C16orf95: variants seen among roughly 807,000 people sequenced by gnomAD.
C16orf95 encodes uncharacterized protein C16orf95.
Under a neutral mutation model 32.1 loss-of-function variants are expected in C16orf95, and 41 were observed. The observed-to-expected ratio is 1.28, with a 90% CI of 1.00 to 1.66. C16orf95 has a LOEUF of 1.66. C16orf95 is among the 40% of genes most tolerant of loss of function. The pLI, the probability that C16orf95 is intolerant of heterozygous loss-of-function variation, is 0.00. For synonymous variants in C16orf95, 147 were observed against 128.9 expected (o/e 1.14, Z -0.95); for missense variants, 399 against 325.9 (o/e 1.22, Z -1.73).
At chr16:87,303,157 T>G in intron 6 of C16orf95, 82 bp from the exon 7 acceptor site, 1 of 1,410,920 alleles carries the variant, frequency 7.1e-7, no homozygotes, top group South Asian at 1.2e-5. Flanking sequence ...TTGGGAAACC[T>G]CCATGAGCGG....
In C16orf95 at chr16:87,302,839, T is replaced by C. The variant is rs1391307938; in HGVS notation, c.*218A>G. 1 of 579,700 alleles carries C rather than the reference T, an allele frequency of 1.7e-6. No individual in the cohort carries two copies. 35.9% of individuals were successfully genotyped at this position (579,700 alleles called of 1,614,324 possible). On this transcript the variant is annotated 3_prime_UTR_variant, in exon 7 of 7. Transcript: ENST00000567970. ...TTTAGAGTTTCACAAATAACATTTA[T>C]TGACCACATTCATAACAGAAACTCA...
At chr16:87,316,676 C>T (rs368765967) in intron 1 of C16orf95, among the ~76,000 whole-genome samples, 1 of 152,022 alleles carries the variant, frequency 6.6e-6, no homozygotes, top group Non-Finnish European at 1.5e-5. Flanking sequence ...CATCTCAGTC[C>T]TTGTAGTTCA....
intron 6 of C16orf95, 106 bp from the exon 7 acceptor site, chr16:87,303,181 T>C: frequency 9.0e-7 from 1 of 1,108,356 alleles, no homozygotes; most frequent in South Asian, 1.3e-5. Flanking sequence ...GCAGAGGCGC[T>C]CCACAGTGCA....
intron 6 of C16orf95, 28 bp from the exon 7 acceptor site, chr16:87,303,103 G>C (rs1447889043): frequency 6.5e-7 from 1 of 1,536,056 alleles, no homozygotes; most frequent in Non-Finnish European, 8.7e-7. Flanking sequence ...ACAGTTACTA[G>C]GACCCGGCCC....
intron 5 of C16orf95, among the ~76,000 whole-genome samples, chr16:87,308,656 T>C (rs925323535): frequency 2.0e-5 from 3 of 152,240 alleles, no homozygotes; most frequent in Non-Finnish European, 4.4e-5. Context: ...CAGCTCTCGA[T>C]AGCCATTGCT....
At chr16:87,307,288 G>C (rs970042126) in intron 5 of C16orf95, among the ~76,000 whole-genome samples, 5 of 152,178 alleles carry the variant, frequency 3.3e-5, no homozygotes, top group African/African-American at 1.2e-4. Flanking sequence ...GAAAGTAATG[G>C]TGGGTGTGGA....
chr16:87,313,893 C>T (rs144165509), intron 3 of C16orf95, among the ~76,000 whole-genome samples: 14 of 152,098 alleles, frequency 9.2e-5, no homozygotes, highest in African/African-American at 3.4e-4. Flanking sequence ...GATGCCTCAT[C>T]GAGTAAGACA....
chr16:87,303,906 T>A (rs776743318), intron 6 of C16orf95, among the ~76,000 whole-genome samples: 2 of 152,066 alleles, frequency 1.3e-5, no homozygotes, highest in Non-Finnish European at 2.9e-5. Flanking sequence ...TTTCTTCCCC[T>A]CTCCTTCCTT....
chr16:87,310,446 G>A (rs2074168219), intron 4 of C16orf95, 113 bp from the exon 5 acceptor site: 3 of 1,037,632 alleles, frequency 2.9e-6, no homozygotes, highest in Non-Finnish European at 4.3e-6. Flanking sequence ...CAAGATAAAA[G>A]CCAAGGGCTC....
At chr16:87,311,888 C>T (rs565076768) in intron 3 of C16orf95, among the ~76,000 whole-genome samples, 15 of 152,316 alleles carry the variant, frequency 9.8e-5, no homozygotes, top group African/African-American at 3.4e-4. Flanking sequence ...AAATGACAGA[C>T]ATCGGGCAAC....
In C16orf95 at chr16:87,310,326, C is replaced by A; in HGVS notation, c.485G>T (p.Arg162Met). The A allele has an allele frequency of 6.5e-7, 1 of 1,536,092 alleles. No individual in the cohort carries two copies. The highest frequency in any genetic ancestry group is 2.4e-5 in the East Asian group (1 of 40,912). ...GATGCCTTTCAAACTCTGCTGCCTCCTGACTATCTAAAAGACAAGAATGGA... is the reference window on the plus strand; with the variant it reads ...GATGCCTTTCAAACTCTGCTGCCTCATGACTATCTAAAAGACAAGAATGGA... Reference protein sequence around the residue: ...QVLRSQQQIVRRQQSLKGIQA... With the variant: ...QVLRSQQQIVMRQQSLKGIQA... The change falls in exon 5 of 7, where the codon AGG (arginine) becomes ATG (methionine). Residue 162 changes from arginine (R) to methionine (M), a missense_variant. By Grantham distance (91) the Arg-to-Met change is moderately conservative. Coordinates refer to ENST00000567970, the MANE Select transcript of C16orf95 (RefSeq NM_001195124.3).
intron 5 of C16orf95, among the ~76,000 whole-genome samples, chr16:87,307,019 G>A (rs1180969020): frequency 6.6e-6 from 1 of 152,156 alleles, no homozygotes; most frequent in Admixed American, 6.5e-5. Flanking sequence ...GTGAGCAGTT[G>A]GTTGGTGATT....
intron 6 of C16orf95, among the ~76,000 whole-genome samples, chr16:87,304,315 C>T (rs889607): frequency 0.21 from 18,110 of 84,262 alleles, 1,166 homozygotes; most frequent in African/African-American, 0.25. Context: ...TGCCCATCCT[C>T]TAAGGCTGGG....
chr16:87,305,935 G>A lies in C16orf95; in HGVS notation c.515-30C>T, dbSNP rs1404270025. The A allele has an allele frequency of 7.2e-7, 1 of 1,388,024 alleles. No homozygotes were observed. Among genetic ancestry groups the A allele is most frequent in the Non-Finnish European group, 9.3e-7 (1 of 1,073,716 alleles). The allele number at this position is 1,388,024 out of a possible 1,614,324, so 86.0% of individuals were successfully genotyped here. A position where few individuals can be genotyped will look rare whatever the true frequency, so the allele number is the denominator to read the frequency against. On this transcript the variant is annotated intron_variant, in intron 5 of 6. Transcript: ENST00000567970. This position sits in a 1 kb window ranked among gnomAD's most constrained non-coding sequence, Gnocchi z 4.2. ...GCAAAGAAAAGGTGGGTTGAGGACA[G>A]GGCGTGTTCTCCGGGACTCTGTGAG...
chr16:87,305,671 G>A lies in C16orf95; in HGVS notation c.701+48C>T, dbSNP rs943784078. On this transcript the variant is annotated intron_variant, in intron 6 of 6. Transcript: ENST00000567970. This position sits in a 1 kb window ranked among gnomAD's most constrained non-coding sequence, Gnocchi z 4.2. The stretch of plus-strand genomic sequence containing the variant: ...GCCACCAAGCCTCCCTCAGGTGGAC[G>A]TCACCATGCCAGGGCCACCCACTGT... 3.8e-5 allele frequency: 55 copies of A among 1,432,866 alleles called. No individual in the cohort carries two copies. Among genetic ancestry groups the A allele is most frequent in the South Asian group, 9.9e-5 (7 of 70,848 alleles). 88.8% of individuals were successfully genotyped at this position (1,432,866 alleles called of 1,614,324 possible).
chr16:87,311,236 G>A lies in C16orf95; in HGVS notation c.391C>T (p.His131Tyr). Residue 131 changes from histidine to tyrosine, a missense_variant, in exon 4 of 7, where the codon CAC (histidine) becomes TAC (tyrosine). Physicochemically the swap from His to Tyr is moderately conservative, Grantham distance 83 (BLOSUM62 2). Coordinates refer to ENST00000567970, the MANE Select transcript of C16orf95 (RefSeq NM_001195124.3). ...ATCGGGAGGCGGCCCCCAAAGCGGT[G>A]GCATAGGCAGGGGCACATCTTGGCG... ...QTAKMCPCLC[H>Y]RFGGRLPMPR... The A allele has an allele frequency of 6.5e-7, 1 of 1,535,864 alleles. No homozygotes were observed. Among genetic ancestry groups the A allele is most frequent in the Non-Finnish European group, 8.7e-7 (1 of 1,146,676 alleles).
At chr16:87,306,274 G>T (rs111989704) in intron 5 of C16orf95, 2 of 176,154 alleles carry the variant, frequency 1.1e-5, no homozygotes, top group Middle Eastern at 2.2e-3. Flanking sequence ...ATGGGCACGT[G>T]GGGCTGATTT....
intron 2 of C16orf95, 41 bp from the exon 3 acceptor site, chr16:87,315,137 G>C: frequency 6.5e-7 from 1 of 1,529,478 alleles, no homozygotes; most frequent in South Asian, 1.2e-5. Context: ...GCTTGATGCT[G>C]CATTTGCAGG....
At chr16:87,315,927 A>G (rs2277850) in intron 1 of C16orf95, 104 bp from the exon 2 acceptor site, 253,769 of 691,746 alleles carry the variant, frequency 0.37, 50,998 homozygotes, top group Non-Finnish European at 0.43. Flanking sequence ...TCTTAATAAT[A>G]AAGCCCACGG....
Sources: gnomAD v4.1 joint callset for allele counts (sites outside exome capture counted in the v4.1 genomes callset) on GRCh38, gnomAD v4.1.1 for gene constraint, Gnocchi (gnomAD v3.1) non-coding constraint, MANE v1.5 for transcripts, NCBI Gene and HGNC (gene_info 2026-07-23, HGNC 2026-07-21) for gene names.